The following FAH variants were observed in gnomAD, a reference collection of about 807,000 sequenced individuals.
FAH encodes the protein fumarylacetoacetase.
In FAH, 47 loss-of-function variants were observed where a neutral mutation model predicts 55.8. That is an observed-to-expected ratio of 0.84 (90% CI 0.67 to 1.07). The LOEUF (loss-of-function observed/expected upper bound fraction) is 1.07. Among genes scored for constraint, FAH ranks in the 50% least tolerant of loss-of-function variants. The pLI is 0.00. For synonymous variants in FAH, 199 were observed against 207.7 expected (o/e 0.96, Z 0.36); for missense variants, 495 against 545.9 (o/e 0.91, Z 0.93).
At chr15:80,174,955 C>T in intron 9 of FAH, 61 bp from the exon 10 acceptor site, 1 of 1,469,552 alleles carries the variant, frequency 6.8e-7, no homozygotes. Context: ...GGTATGGGGG[C>T]CCAGCCGGGT....
intron 1 of FAH, 37 bp downstream of exon 1, chr15:80,153,172 GGAGT>G (rs762924131): frequency 0.028 from 13,121 of 468,568 alleles, 42 homozygotes; most frequent in Non-Finnish European, 0.041. Context: ...GCGCGGGGAG[GGAGT>G]GGAGTGGAGT....
At chr15:80,153,801 A>G (rs1394525746) in intron 1 of FAH, among the ~76,000 whole-genome samples, 2 of 152,218 alleles carry the variant, frequency 1.3e-5, no homozygotes, top group Non-Finnish European at 2.9e-5. Context: ...GTTTATCAGC[A>G]AATAGATAAT....
At chr15:80,183,408 G>A (rs995567587) in intron 13 of FAH, among the ~76,000 whole-genome samples, 1 of 152,236 alleles carries the variant, frequency 6.6e-6, no homozygotes, top group Admixed American at 6.5e-5. Flanking sequence ...AGAGGAGCGG[G>A]CAGGTGGAGG....
intron 1 of FAH, among the ~76,000 whole-genome samples, chr15:80,154,813 A>G (rs1209794653): frequency 6.6e-6 from 1 of 152,038 alleles, no homozygotes; most frequent in Non-Finnish European, 1.5e-5. Flanking sequence ...CCTTCCTTCC[A>G]TTTCTGGTTG....
chr15:80,184,892 T>C (rs2041357777), intron 13 of FAH, among the ~76,000 whole-genome samples: 1 of 151,954 alleles, frequency 6.6e-6, no homozygotes, highest in South Asian at 2.1e-4. Context: ...AGCTAAGATA[T>C]CCCCCCTTCC....
At chr15:80,175,121 G>T (rs375433287) in intron 10 of FAH, 30 bp downstream of exon 10, 58 of 1,593,890 alleles carry the variant, frequency 3.6e-5, no homozygotes, top group Admixed American at 8.3e-5. Flanking sequence ...ACATGGCCAG[G>T]AGCTCTGAGG....
chr15:80,180,344 A>C, intron 12 of FAH, 119 bp downstream of exon 12: 7 of 764,550 alleles, frequency 9.2e-6, no homozygotes, highest in Non-Finnish European at 1.6e-5. Flanking sequence ...GGTGTATCTC[A>C]CAACTCTGTC....
In FAH at chr15:80,158,123, C is replaced by G. The variant is rs1361855377; in HGVS notation, c.145C>G (p.Leu49Val). The G allele has an allele frequency of 1.2e-6, 2 of 1,614,174 alleles. No homozygotes were observed. The highest frequency in any genetic ancestry group is 1.7e-6 in the Non-Finnish European group (2 of 1,179,998). The change falls in exon 2 of 14, where the codon CTC (leucine) becomes GTC (valine). Residue 49 changes from leucine (L) to valine (V), a missense_variant. By Grantham distance (32) the Leu-to-Val change is conservative. Transcript: ENST00000561421. ...CCTGGACCTCAGCATCATCAAGCAC[C>G]TCTTTACTGGTCCTGTCCTCTCCAA... ...QILDLSIIKHLFTGPVLSKHQ... is the reference protein window; with the variant it reads ...QILDLSIIKHVFTGPVLSKHQ...
chr15:80,157,247 C>A (rs2041107259), intron 1 of FAH: 1 of 152,430 alleles, frequency 6.6e-6, no homozygotes, highest in Non-Finnish European at 1.5e-5. Context: ...CTCAGCCCAC[C>A]CCAGTGAGCA....
chr15:80,169,552 G>T (rs2041222768), intron 7 of FAH, among the ~76,000 whole-genome samples: 1 of 151,702 alleles, frequency 6.6e-6, no homozygotes, highest in African/African-American at 2.4e-5. Flanking sequence ...TTGTTTTTCT[G>T]AGATGGAGTC....
chr15:80,159,366 C>G (rs935564851), intron 2 of FAH, among the ~76,000 whole-genome samples: 1 of 152,202 alleles, frequency 6.6e-6, no homozygotes, highest in East Asian at 1.9e-4. Flanking sequence ...AGCCATCACA[C>G]CTGGCCCAAA....
chr15:80,172,269 C>G, intron 8 of FAH, 21 bp downstream of exon 8: 1 of 1,555,846 alleles, frequency 6.4e-7, no homozygotes, highest in Non-Finnish European at 8.9e-7. Flanking sequence ...GAGCTCTGCT[C>G]CTGTAGAGAT....
chr15:80,174,705 G>T (rs1268933035), intron 9 of FAH, among the ~76,000 whole-genome samples: 1 of 152,144 alleles, frequency 6.6e-6, no homozygotes, highest in African/African-American at 2.4e-5. Flanking sequence ...CTCCATCTCG[G>T]CCTGTCTGCT....
chr15:80,175,072 C>T lies in FAH; in HGVS notation c.894C>T (p.Asn298=). The T allele has an allele frequency of 1.2e-6, 2 of 1,614,162 alleles. No individual in the cohort carries two copies. Among genetic ancestry groups the T allele is most frequent in the Non-Finnish European group, 1.7e-6 (2 of 1,179,994 alleles). ...ACGAGCCCTACACATTTGACATCAA[C>T]CTCTCTGTTAACCTGAAAGGTATGT... The part of the protein sequence containing the change: ...CHDEPYTFDI[N]LSVNLKGEGM... Residue 298 remains asparagine, a synonymous_variant, in exon 10 of 14, where the codon AAC becomes AAT. Transcript: ENST00000561421.
chr15:80,185,981 A>G (rs749401677), intron 13 of FAH, 149 bp from the exon 14 acceptor site: 82 of 733,144 alleles, frequency 1.1e-4, no homozygotes, highest in Non-Finnish European at 1.8e-4. Flanking sequence ...GTGGAGGGTT[A>G]TTCTTGTGTT....
chr15:80,184,547 G>T (rs1173823809), intron 13 of FAH, among the ~76,000 whole-genome samples: 12 of 152,038 alleles, frequency 7.9e-5, no homozygotes, highest in Admixed American at 5.2e-4. Flanking sequence ...ATAAATTTCT[G>T]CTGGGAGCCA....
At chr15:80,163,558 CCTT>C (rs1210189450) in intron 5 of FAH, 4 of 152,226 alleles carry the variant, frequency 2.6e-5, no homozygotes, top group African/African-American at 9.7e-5. Flanking sequence ...TGCCCCATGT[CCTT>C]CTGCAGAATA....
rs766178166 is a variant in FAH at position 80,168,081 on chromosome 15, G to T, written c.485G>T (p.Arg162Leu). 1 of 1,614,070 alleles carries T rather than the reference G, an allele frequency of 6.2e-7. No individual in the cohort carries two copies. The highest frequency in any genetic ancestry group is 2.2e-5 in the East Asian group (1 of 44,872). Residue 162 changes from arginine to leucine, a missense_variant, in exon 6 of 14, where the codon CGT becomes CTT. Coordinates refer to ENST00000561421, the MANE Select transcript of FAH (RefSeq NM_000137.4). Reference protein sequence around the residue: ...WLHLPVGYHGRASSVVVSGTP... With the variant: ...WLHLPVGYHGLASSVVVSGTP... ...CACTTACCAGTGGGCTACCATGGCC[G>T]TGCCTCCTCTGTCGTGGTGTCTGGC...
chr15:80,167,339 T>C (rs936752570), intron 5 of FAH: 6 of 152,892 alleles, frequency 3.9e-5, no homozygotes, highest in African/African-American at 1.4e-4. Context: ...TGTGGCTGCA[T>C]CACTCCAGTC....
Sources: allele counts gnomAD v4.1 joint callset (sites outside exome capture counted in the v4.1 genomes callset), GRCh38; gene constraint gnomAD v4.1.1; transcripts MANE v1.5; gene names NCBI Gene and HGNC (gene_info 2026-07-23, HGNC 2026-07-21).